Variants in AGBL5 observed in about 807,000 individuals in gnomAD.
AGBL5 encodes the protein cytosolic carboxypeptidase-like protein 5.
AGBL5 carries 51 observed loss-of-function variants against 88.0 expected under a neutral mutation model. The observed-to-expected ratio is 0.58, with a 90% CI of 0.46 to 0.73. The LOEUF (loss-of-function observed/expected upper bound fraction) is 0.73, where lower values mean the gene tolerates loss of function less well. Among genes scored for constraint, AGBL5 ranks in the 30% least tolerant of loss-of-function variants. The pLI, the probability that AGBL5 is intolerant of heterozygous loss-of-function variation, is 0.00. For missense variants in AGBL5, 1,031 were observed against 1,162.2 expected, an observed-to-expected ratio of 0.89 and a Z score of 1.64; for synonymous variants, 446 against 438.8, an observed-to-expected ratio of 1.02 and a Z score of -0.21.
At chr2:27,069,828 T>G (rs1669189864) in intron 14 of AGBL5, 122 bp downstream of exon 14, 1 of 1,473,692 alleles carries the variant, frequency 6.8e-7, no homozygotes, top group Non-Finnish European at 9.0e-7. Flanking sequence ...TAAATGTACT[T>G]CCATTAAGAA....
intron 12 of AGBL5, 116 bp from the exon 13 acceptor site, chr2:27,068,516 T>TA (rs1669106987): frequency 1.3e-5 from 11 of 820,172 alleles, no homozygotes; most frequent in Non-Finnish European, 1.9e-5. Context: ...CTCCCCACGA[T>TA]AAAGAATTAT....
At chr2:27,059,506 G>A (rs549545171) in intron 11 of AGBL5, 102 bp downstream of exon 11, 2 of 1,558,902 alleles carry the variant, frequency 1.3e-6, no homozygotes, top group South Asian at 1.2e-5. Flanking sequence ...GGACCAAGGG[G>A]TGAATCAATA....
At chr2:27,056,348 A>G (rs182603858) in intron 7 of AGBL5, 1 of 626,752 alleles carries the variant, frequency 1.6e-6, no homozygotes, top group African/African-American at 1.8e-5. Context: ...TATTAAGGAA[A>G]GCTAACTGCA....
intron 6 of AGBL5, 199 bp downstream of exon 6, chr2:27,055,452 TGCAG>T: frequency 1.2e-6 from 1 of 860,904 alleles, no homozygotes; most frequent in Non-Finnish European, 1.7e-6. Context: ...CTAGGATGAC[TGCAG>T]GCCCATCTGG....
At position 27,070,509 on chromosome 2, in the gene AGBL5, G is replaced by C. The variant is rs991361680; in HGVS notation, c.*246G>C. Reference sequence around the variant, plus strand: ...AAAAAAAAGTCTATATTTTTATATTGGGGGGAGGGAGTAGAAAAGCAAGCC... The same window carrying C: ...AAAAAAAAGTCTATATTTTTATATTCGGGGGAGGGAGTAGAAAAGCAAGCC... On this transcript the variant is annotated 3_prime_UTR_variant, in exon 15 of 15. Transcript: ENST00000360131. 1.4e-5 allele frequency: 7 copies of C among 483,452 alleles called. No individual in the cohort carries two copies. Among genetic ancestry groups the C allele is most frequent in the African/African-American group, 9.6e-5 (5 of 52,130 alleles). The allele number at this position is 483,452 out of a possible 1,614,324, so 29.9% of individuals were successfully genotyped here. A position where few individuals can be genotyped will look rare whatever the true frequency, so the allele number is the denominator to read the frequency against.
chr2:27,056,870 C>T, intron 8 of AGBL5, 78 bp downstream of exon 8: 1 of 1,439,100 alleles, frequency 6.9e-7, no homozygotes, highest in Non-Finnish European at 9.3e-7. Context: ...GTGGTGCATG[C>T]TTGTAATCCC....
In AGBL5 at chr2:27,068,985, C is replaced by A. The variant is rs1205662453; in HGVS notation, c.2355+241C>A. On this transcript the variant is annotated intron_variant, in intron 13 of 14. Coordinates refer to ENST00000360131, the MANE Select transcript of AGBL5 (RefSeq NM_021831.6). ...GTGTCCCTGCCAGATATACCCCAAC[C>A]TTAGCCTGCTAGCTTTGGCTTTCCC... 3 of 1,465,714 alleles carry A rather than the reference C, an allele frequency of 2.0e-6. No individual in the cohort carries two copies. The East Asian group carries it at 8.8e-5, about 43-fold the overall frequency. The allele number at this position is 1,465,714 out of a possible 1,614,324, so 90.8% of individuals were successfully genotyped here. A position where few individuals can be genotyped will look rare whatever the true frequency, so the allele number is the denominator to read the frequency against.
intron 11 of AGBL5, among the ~76,000 whole-genome samples, chr2:27,062,051 C>T (rs941312912): frequency 6.7e-6 from 1 of 150,040 alleles, no homozygotes; most frequent in Non-Finnish European, 1.5e-5. Context: ...TGACCTCAGG[C>T]GGATTCACCC....
At position 27,054,689 on chromosome 2, in the gene AGBL5, G is replaced by A. The variant is rs202064757; in HGVS notation, c.611G>A (p.Arg204His). The A allele has an allele frequency of 3.8e-5, 62 of 1,613,884 alleles. No individual in the cohort carries two copies. Among genetic ancestry groups the A allele is most frequent in the Non-Finnish European group, 4.4e-5 (52 of 1,179,990 alleles). ...CTTTGCTATTCTCTGGATGGACTTC[G>A]TGTAGATCTGCTGACGATCACTTCC... ...ELLCYSLDGL[R>H]VDLLTITSCH... Residue 204 changes from arginine to histidine, a missense_variant, in exon 5 of 15, where the codon CGT (arginine) becomes CAT (histidine). Arg to His is a conservative substitution (Grantham distance 29, BLOSUM62 0). This residue lies in a region of AGBL5 where 540 missense variants were observed against 678.2 expected (regional missense o/e 0.80). Transcript: ENST00000360131.
In AGBL5 at chr2:27,053,666, A is replaced by G; in HGVS notation, c.387+93A>G. On this transcript the variant is annotated intron_variant, in intron 3 of 14. Transcript: ENST00000360131. The surrounding 1 kb of genome is among the most constrained non-coding windows in gnomAD (Gnocchi z 4.9). ...TTTTTCCTTGATACAAGTATGAAGC[A>G]GGTGGGACAACAGGTTTAAGTATCA... 6.7e-7 allele frequency: 1 copy of G among 1,485,708 alleles called. No individual in the cohort carries two copies. The highest frequency in any genetic ancestry group is 9.0e-7 in the Non-Finnish European group (1 of 1,112,950). 92.0% of individuals were successfully genotyped at this position (1,485,708 alleles called of 1,614,324 possible). A position where few individuals can be genotyped will look rare whatever the true frequency, so the allele number is the denominator to read the frequency against.
intron 11 of AGBL5, among the ~76,000 whole-genome samples, chr2:27,064,936 G>C (rs1275137721): frequency 6.6e-6 from 1 of 151,336 alleles, no homozygotes; most frequent in Non-Finnish European, 1.5e-5. Context: ...TGTATTTTTA[G>C]TAGAAACGGG....
rs1304149438 is a variant in AGBL5, at chr2:27,055,070, C to G, written c.730-5C>G. The stretch of plus-strand genomic sequence containing the variant: ...ACTTAATGTCTGCTCTCCTCTCTAC[C>G]TCAGATATTCTTCTTAAGCAGTAGA... On this transcript the variant is annotated splice_polypyrimidine_tract_variant and splice_region_variant and intron_variant, in intron 5 of 14. Transcript: ENST00000360131. 1 of 1,613,216 alleles carries G rather than the reference C, an allele frequency of 6.2e-7. No individual in the cohort carries two copies. Among genetic ancestry groups the G allele is most frequent in the Non-Finnish European group, 8.5e-7 (1 of 1,179,314 alleles).
At position 27,056,023 on chromosome 2, in the gene AGBL5, C is replaced by T. The variant is rs750064297; in HGVS notation, c.1250C>T (p.Pro417Leu). The T allele has an allele frequency of 1.2e-6, 2 of 1,614,208 alleles. No homozygotes were observed. Among genetic ancestry groups the T allele is most frequent in the African/African-American group, 1.3e-5 (1 of 75,056 alleles). The part of the protein sequence containing the change: ...QQSAGLEESA[P>L]DTIPPKESGV... ...TCTGCGGGGCTTGAAGAGTCAGCCC[C>T]TGATACCATCCCCCCCAAAGAGAGT... The change falls in exon 7 of 15, where the codon CCT (proline) becomes CTT (leucine). Residue 417 changes from proline (P) to leucine (L), a missense_variant. By Grantham distance (98) the Pro-to-Leu change is moderately conservative (BLOSUM62 -3). Around this residue, in one of 2 missense-constraint regions of AGBL5, gnomAD observed 540 missense variants for 678.2 expected, o/e 0.80. Transcript: ENST00000360131.
chr2:27,058,355 G>A, intron 9 of AGBL5, 45 bp from the exon 10 acceptor site: 3 of 1,609,280 alleles, frequency 1.9e-6, no homozygotes, highest in Non-Finnish European at 1.7e-6. Context: ...GTAGCAGCCT[G>A]GATGGGAGGA....
At chr2:27,059,624 T>A (rs1668612880) in intron 11 of AGBL5, 2 of 1,040,088 alleles carry the variant, frequency 1.9e-6, no homozygotes, top group Non-Finnish European at 2.7e-6. Context: ...TCTGGGTATC[T>A]GGGCTTCAGT....
At position 27,069,603 on chromosome 2, in the gene AGBL5, C is replaced by T. The variant is rs374922379; in HGVS notation, c.2386C>T (p.Pro796Ser). The T allele has an allele frequency of 5.6e-6, 9 of 1,614,184 alleles. No homozygotes were observed. In the Middle Eastern group the frequency reaches 9.9e-4, roughly 178 times the overall value. Residue 796 changes from proline (P) to serine (S), a missense_variant, in exon 14 of 15, where the codon CCG becomes TCG. Physicochemically the swap from Pro to Ser is moderately conservative, Grantham distance 74 (BLOSUM62 -1). Coordinates refer to ENST00000360131, the MANE Select transcript of AGBL5 (RefSeq NM_021831.6). ...GCCCAGGTTGGGCCGGGGCTCACCG[C>T]CGACTCGCAGAGGGATGAAAGGCTC... ...ARPRLGRGSP[P>S]TRRGMKGSSG...
At position 27,058,610 on chromosome 2, in the gene AGBL5, C is replaced by T. The variant is rs769963156; in HGVS notation, c.1874+8C>T. ...TCCACCCAAAAGTCACAAGTAAGGC[C>T]AGCAAAATAGGAGGGAGAAAGGGTA... On this transcript the variant is annotated splice_region_variant and intron_variant, in intron 10 of 14. Transcript: ENST00000360131. The T allele has an allele frequency of 1.9e-6, 3 of 1,613,524 alleles. No individual in the cohort carries two copies. The highest frequency in any genetic ancestry group is 2.2e-5 in the East Asian group (1 of 44,894).
intron 5 of AGBL5, 73 bp downstream of exon 5, chr2:27,054,880 A>G (rs1668351623): frequency 5.8e-6 from 9 of 1,547,712 alleles, no homozygotes; most frequent in Admixed American, 5.7e-5. Context: ...GCTAAAGACT[A>G]TGTTATCTCT....
rs1174405797 is a variant in AGBL5 at position 27,053,390 on chromosome 2, T to A, written c.216-12T>A. ...CCACACGTAATGACCTCTCTCTTAC[T>A]CTGGTCCTCAGGTCATGGTTCTACT... is the stretch of plus-strand genomic sequence containing the variant. On this transcript the variant is annotated splice_polypyrimidine_tract_variant and intron_variant, in intron 2 of 14. Coordinates refer to ENST00000360131, the MANE Select transcript of AGBL5 (RefSeq NM_021831.6). The surrounding 1 kb of genome is among the most constrained non-coding windows in gnomAD (Gnocchi z 4.9). 1 of 1,613,586 alleles carries A rather than the reference T, an allele frequency of 6.2e-7. No individual in the cohort carries two copies. Among genetic ancestry groups the A allele is most frequent in the Non-Finnish European group, 8.5e-7 (1 of 1,179,738 alleles).
Sources: allele counts gnomAD v4.1 joint callset (sites outside exome capture counted in the v4.1 genomes callset), GRCh38; gene constraint gnomAD v4.1.1; regional missense constraint gnomAD v4.1.1; non-coding constraint Gnocchi (gnomAD v3.1); transcripts MANE v1.5; gene names NCBI Gene and HGNC (gene_info 2026-07-23, HGNC 2026-07-21).